The following COLEC12 variants were observed in gnomAD, a reference collection of about 807,000 sequenced individuals.
The protein encoded by COLEC12 is collectin-12.
Under a neutral mutation model 71.1 loss-of-function variants are expected in COLEC12, and 33 were observed. That is an observed-to-expected ratio of 0.46 (90% CI 0.35 to 0.62). COLEC12 has a LOEUF of 0.62. Among genes scored for constraint, COLEC12 ranks in the 20% least tolerant of loss-of-function variants. The pLI, the probability that COLEC12 is intolerant of heterozygous loss-of-function variation, is 0.00. For missense variants in COLEC12, 765 were observed against 916.1 expected (o/e 0.84, Z 2.13); for synonymous variants, 350 against 353.0 (o/e 0.99, Z 0.10).
chr18:381,878 T>C (rs899063688), intron 2 of COLEC12, among the ~76,000 whole-genome samples: 8 of 149,498 alleles, frequency 5.4e-5, no homozygotes, highest in South Asian at 2.1e-4. Flanking sequence ...AGCAAGTTGC[T>C]GAAGGATTTT....
chr18:481,304 C>A (rs1917410640), intron 1 of COLEC12, among the ~76,000 whole-genome samples: 1 of 152,180 alleles, frequency 6.6e-6, no homozygotes, highest in South Asian at 2.1e-4. Flanking sequence ...ACCCTTCCCA[C>A]CCTCCTTCCG....
chr18:427,216 C>T (rs1478542164), intron 2 of COLEC12, among the ~76,000 whole-genome samples: 1 of 152,168 alleles, frequency 6.6e-6, no homozygotes, highest in Non-Finnish European at 1.5e-5. Flanking sequence ...TACTGACAAG[C>T]AGCATGATGT....
At chr18:416,205 C>A (rs72861891) in intron 2 of COLEC12, among the ~76,000 whole-genome samples, 2 of 152,008 alleles carry the variant, frequency 1.3e-5, no homozygotes, top group African/African-American at 4.8e-5. Context: ...AGTGTTGACA[C>A]CCCCCCAAAA....
chr18:478,603 ACT>A (rs1357332996), intron 2 of COLEC12, among the ~76,000 whole-genome samples: 2 of 152,110 alleles, frequency 1.3e-5, no homozygotes, highest in African/African-American at 2.4e-5. Flanking sequence ...ACAGAGCAAG[ACT>A]CTGTCTCAAA....
At chr18:442,747 G>T (rs1174012621) in intron 2 of COLEC12, among the ~76,000 whole-genome samples, 1 of 152,238 alleles carries the variant, frequency 6.6e-6, no homozygotes, top group Non-Finnish European at 1.5e-5. Context: ...GGATCACGAG[G>T]TAAGGAGATC....
intron 2 of COLEC12, among the ~76,000 whole-genome samples, chr18:462,685 T>C (rs1481208605): frequency 6.6e-6 from 1 of 152,286 alleles, no homozygotes; most frequent in East Asian, 1.9e-4. Flanking sequence ...ATAAATTATA[T>C]CTCTATAAAG....
At chr18:483,877 G>A (rs755663667) in intron 1 of COLEC12, among the ~76,000 whole-genome samples, 8 of 152,198 alleles carry the variant, frequency 5.3e-5, no homozygotes, top group Non-Finnish European at 7.3e-5. Context: ...CGGAGTTGAT[G>A]AGACATGAAT....
intron 3 of COLEC12, among the ~76,000 whole-genome samples, chr18:355,670 G>A (rs977301310): frequency 2.0e-5 from 3 of 152,110 alleles, no homozygotes. Context: ...ACAGTACTGA[G>A]GCTTAAAAGT....
intron 1 of COLEC12, among the ~76,000 whole-genome samples, chr18:489,924 G>A (rs1021647278): frequency 2.6e-5 from 4 of 152,184 alleles, no homozygotes; most frequent in Admixed American, 6.5e-5. Context: ...AGCATGTCAC[G>A]GAGAGATACG....
chr18:386,800 A>G (rs1175158168), intron 2 of COLEC12, among the ~76,000 whole-genome samples: 1 of 152,230 alleles, frequency 6.6e-6, no homozygotes, highest in Non-Finnish European at 1.5e-5. Context: ...TTCCTCAAGT[A>G]TAAGCAACCT....
chr18:374,761 T>A (rs542746592), intron 2 of COLEC12, among the ~76,000 whole-genome samples: 16 of 152,280 alleles, frequency 1.1e-4, no homozygotes, highest in African/African-American at 3.1e-4. Context: ...AAGCAATACT[T>A]ATCTGTGAGC....
chr18:376,943 T>C (rs1024700495), intron 2 of COLEC12, among the ~76,000 whole-genome samples: 5 of 152,360 alleles, frequency 3.3e-5, no homozygotes, highest in Admixed American at 2.0e-4. Flanking sequence ...GAATGTAAAG[T>C]ACGAGCTCTT....
At chr18:341,340 G>A (rs985547582) in intron 5 of COLEC12, among the ~76,000 whole-genome samples, 13 of 152,230 alleles carry the variant, frequency 8.5e-5, no homozygotes, top group African/African-American at 3.1e-4. Flanking sequence ...AATGGGGAAT[G>A]TCAATAACTC....
chr18:484,855 C>G (rs576158082), intron 1 of COLEC12, among the ~76,000 whole-genome samples: 2 of 152,200 alleles, frequency 1.3e-5, no homozygotes, highest in Non-Finnish European at 2.9e-5. Context: ...ATGTTCCCAG[C>G]TGCTCAGTTA....
chr18:447,589 G>A (rs900063134), intron 2 of COLEC12, among the ~76,000 whole-genome samples: 3 of 152,186 alleles, frequency 2.0e-5, no homozygotes, highest in Non-Finnish European at 2.9e-5. Context: ...ACCTGTGTGT[G>A]CTGAGAATCT....
chr18:411,190 G>A (rs1369258251), intron 2 of COLEC12, among the ~76,000 whole-genome samples: 1 of 152,166 alleles, frequency 6.6e-6, no homozygotes, highest in Non-Finnish European at 1.5e-5. Flanking sequence ...ATCCACCTAA[G>A]CAGTAATGAG....
At chr18:394,973 TCA>T (rs1348349569) in intron 2 of COLEC12, among the ~76,000 whole-genome samples, 1 of 152,224 alleles carries the variant, frequency 6.6e-6, no homozygotes, top group African/African-American at 2.4e-5. Flanking sequence ...CCTAATGGAC[TCA>T]GTTAAAGGTT....
At position 500,434 on chromosome 18, in the gene COLEC12, A is replaced by AC; in HGVS notation, c.7+73dup. Reference sequence around the variant, plus strand: ...CCAAGGGAAGGTTCGCGCGGGAGGCACCTCCGTGGCCTCCCGCGCGCCCCG... The same window carrying AC: ...CCAAGGGAAGGTTCGCGCGGGAGGCACCCTCCGTGGCCTCCCGCGCGCCCCG... On this transcript the variant is annotated intron_variant, in intron 1 of 9. Transcript: ENST00000400256. The surrounding 1 kb of genome is among the most constrained non-coding windows in gnomAD (Gnocchi z 5.3). 1 of 734,174 alleles carries AC rather than the reference A, an allele frequency of 1.4e-6. No homozygotes were observed. Among genetic ancestry groups the AC allele is most frequent in the Non-Finnish European group, 1.7e-6 (1 of 597,144 alleles). 45.5% of individuals were successfully genotyped at this position (734,174 alleles called of 1,614,324 possible).
chr18:431,884 A>G (rs143458436), intron 2 of COLEC12, among the ~76,000 whole-genome samples: 1 of 152,326 alleles, frequency 6.6e-6, no homozygotes, highest in East Asian at 1.9e-4. Context: ...TGTGCTAAGG[A>G]GATTTTATAT....
Sources: gnomAD v4.1 joint callset for allele counts (sites outside exome capture counted in the v4.1 genomes callset) on GRCh38, gnomAD v4.1.1 for gene constraint, Gnocchi (gnomAD v3.1) non-coding constraint, MANE v1.5 for transcripts, NCBI Gene and HGNC (gene_info 2026-07-23, HGNC 2026-07-21) for gene names.